Variants in ESF1 observed in about 807,000 individuals in gnomAD.
The protein encoded by ESF1 is ESF1 homolog.
ESF1 carries 58 observed loss-of-function variants against 92.0 expected under a neutral mutation model. The observed-to-expected ratio is 0.63, with a 90% CI of 0.51 to 0.78. The LOEUF is 0.78. ESF1 is among the 30% of genes least tolerant of loss of function. The pLI, the probability that ESF1 is intolerant of heterozygous loss-of-function variation, is 0.00. For missense variants in ESF1, 922 were observed against 989.1 expected (o/e 0.93, Z 0.91); for synonymous variants, 321 against 313.7 (o/e 1.02, Z -0.24).
chr20:13,765,901 TAAAAC>T (rs1334929749), intron 8 of ESF1, among the ~76,000 whole-genome samples: 1 of 152,158 alleles, frequency 6.6e-6, no homozygotes, highest in Non-Finnish European at 1.5e-5. Context: ...CATGAAATAT[TAAAAC>T]AGAGACTATG....
chr20:13,782,474 C>A, intron 2 of ESF1, 30 bp downstream of exon 2: 1 of 1,472,376 alleles, frequency 6.8e-7, no homozygotes, highest in Non-Finnish European at 8.9e-7. Flanking sequence ...TAATGTAACA[C>A]CCAAGAATCT....
intron 8 of ESF1, among the ~76,000 whole-genome samples, chr20:13,763,158 G>T (rs1979281275): frequency 6.6e-6 from 1 of 152,102 alleles, no homozygotes; most frequent in Non-Finnish European, 1.5e-5. Flanking sequence ...GCCGTGCCCG[G>T]CCTATTTATT....
At chr20:13,781,665 G>A (rs1409560695) in intron 2 of ESF1, among the ~76,000 whole-genome samples, 1 of 152,176 alleles carries the variant, frequency 6.6e-6, no homozygotes, top group Non-Finnish European at 1.5e-5. Context: ...TGTGACCCCT[G>A]GGAGCTCTGT....
intron 13 of ESF1, among the ~76,000 whole-genome samples, chr20:13,716,815 T>TTTTTTTTTTTTG (rs2049830621): frequency 1.1e-5 from 1 of 87,512 alleles, no homozygotes; most frequent in Non-Finnish European, 2.4e-5. Flanking sequence ...TTTTTTTTTT[T>TTTTTTTTTTTTG]TTTTTTTTTT....
intron 9 of ESF1, among the ~76,000 whole-genome samples, chr20:13,748,519 CATAT>C (rs201176775): frequency 4.5e-5 from 6 of 134,546 alleles, no homozygotes; most frequent in Non-Finnish European, 6.3e-5. Flanking sequence ...TATATATACA[CATAT>C]ATATATACAC....
At position 13,716,804 on chromosome 20, in the gene ESF1, A is replaced by ATTTTTTTTTTTTTTT. The variant is rs71188180; in HGVS notation, c.2262+549_2262+563dup. 8.9e-4 allele frequency among the ~76,000 whole-genome samples: 41 copies of ATTTTTTTTTTTTTTT among 45,916 alleles called. 2 individuals carry two copies. Among genetic ancestry groups the ATTTTTTTTTTTTTTT allele is most frequent in the South Asian group, 2.6e-3 (2 of 766 alleles). The allele number at this position is 45,916 out of a possible 152,430, so 30.1% of individuals were successfully genotyped here. ...TACAGGTGTGCGCCACTATACCTGG[A>ATTTTTTTTTTTTTTT]TTTTTTTTTTTTTTTTTTTTTTTTT... On this transcript the variant is annotated intron_variant, in intron 13 of 13. Transcript: ENST00000617257.
Position 13,782,555 on chromosome 20 carries a change from C to T in ESF1, c.586G>A (p.Val196Met). The T allele has an allele frequency of 1.3e-6, 2 of 1,565,394 alleles. No homozygotes were observed. The highest frequency in any genetic ancestry group is 1.7e-6 in the Non-Finnish European group (2 of 1,165,948). The change falls in exon 2 of 14, where the codon GTG becomes ATG. Residue 196 changes from valine to methionine, a missense_variant. Transcript: ENST00000617257. ...GAACACTCGATTCTGGGAGATTTCA[C>T]AATTTCAGAGGTGCCTGAGTCTAAT... ...RTLDSGTSEI[V>M]KSPRIECSKT...
chr20:13,721,169 A>G (rs1265908928), intron 11 of ESF1, among the ~76,000 whole-genome samples: 1 of 152,232 alleles, frequency 6.6e-6, no homozygotes, highest in African/African-American at 2.4e-5. Context: ...TAATACTAAT[A>G]TCTTTCACTT....
At chr20:13,747,519 G>A (rs2050058974) in intron 9 of ESF1, among the ~76,000 whole-genome samples, 1 of 151,322 alleles carries the variant, frequency 6.6e-6, no homozygotes, top group Non-Finnish European at 1.5e-5. Context: ...GAGCCGAGAT[G>A]GCACCACTGC....
intron 9 of ESF1, among the ~76,000 whole-genome samples, chr20:13,746,176 G>A (rs1221528516): frequency 2.0e-5 from 3 of 152,084 alleles, no homozygotes; most frequent in East Asian, 3.9e-4. Context: ...TATTGGCCAG[G>A]CTGGTCTTGA....
Position 13,728,447 on chromosome 20 carries a change from T to C in ESF1, c.1969A>G (p.Ser657Gly). The change falls in exon 11 of 14, where the codon AGT becomes GGT. Residue 657 changes from serine to glycine, a missense_variant. Physicochemically the swap from Ser to Gly is moderately conservative, Grantham distance 56. Coordinates refer to ENST00000617257, the MANE Select transcript of ESF1 (RefSeq NM_001276380.2). ...ACATCAGAGGGAAGTTCCTCTTCACTGGCCTCTTCAGCAAGAGCCTTAAAA... is the reference window on the plus strand; with the variant it reads ...ACATCAGAGGGAAGTTCCTCTTCACCGGCCTCTTCAGCAAGAGCCTTAAAA... ...RKQKALAEEA[S>G]EEELPSDVDL... The C allele has an allele frequency of 6.2e-7, 1 of 1,611,822 alleles. No individual in the cohort carries two copies.
intron 9 of ESF1, among the ~76,000 whole-genome samples, chr20:13,737,406 T>C (rs542319970): frequency 5.3e-5 from 8 of 152,312 alleles, no homozygotes; most frequent in African/African-American, 1.9e-4. Context: ...CTGCCTACCT[T>C]ATTCATTTGA....
At chr20:13,772,389 G>A (rs1600293012) in intron 5 of ESF1, 126 bp downstream of exon 5, 1 of 642,674 alleles carries the variant, frequency 1.6e-6, no homozygotes, top group Admixed American at 2.6e-5. Flanking sequence ...AATCTGTTTT[G>A]CAACCTGTTT....
At chr20:13,725,093 C>T (rs2049892719) in intron 11 of ESF1, among the ~76,000 whole-genome samples, 1 of 152,180 alleles carries the variant, frequency 6.6e-6, no homozygotes, top group Non-Finnish European at 1.5e-5. Context: ...AATCAACCGC[C>T]TTAGGCAGTA....
At chr20:13,782,419 C>G (rs1980231486) in intron 2 of ESF1, 85 bp downstream of exon 2, 2 of 1,154,548 alleles carry the variant, frequency 1.7e-6, no homozygotes, top group Non-Finnish European at 2.4e-6. Flanking sequence ...TATGAAAATA[C>G]TTATTAATGT....
chr20:13,741,621 C>T (rs554664583), intron 9 of ESF1, among the ~76,000 whole-genome samples: 2 of 152,170 alleles, frequency 1.3e-5, no homozygotes, highest in African/African-American at 4.8e-5. Flanking sequence ...AATCAGGTCC[C>T]TACCTCATAT....
At chr20:13,778,315 A>C (rs1003470122) in intron 2 of ESF1, among the ~76,000 whole-genome samples, 2 of 152,160 alleles carry the variant, frequency 1.3e-5, no homozygotes, top group Admixed American at 6.5e-5. Context: ...AGATCTGAAA[A>C]ACACAACATT....
intron 9 of ESF1, among the ~76,000 whole-genome samples, chr20:13,735,546 GAGAA>G (rs574989041): frequency 3.3e-5 from 5 of 152,194 alleles, no homozygotes; most frequent in African/African-American, 1.2e-4. Context: ...GTTCATTTGA[GAGAA>G]AGCAGCAAAT....
At chr20:13,716,672 G>A (rs898533036) in intron 13 of ESF1, among the ~76,000 whole-genome samples, 1 of 124,742 alleles carries the variant, frequency 8.0e-6, no homozygotes, top group South Asian at 2.5e-4. Flanking sequence ...ACAGGGTCTT[G>A]TTCTGTTGCC....
Sources: gnomAD v4.1 joint callset for allele counts (sites outside exome capture counted in the v4.1 genomes callset) on GRCh38, gnomAD v4.1.1 for gene constraint, MANE v1.5 for transcripts, NCBI Gene and HGNC (gene_info 2026-07-23, HGNC 2026-07-21) for gene names.